The following INPP5E variants were observed in gnomAD, a reference collection of about 807,000 sequenced individuals.
INPP5E encodes phosphatidylinositol polyphosphate 5-phosphatase type IV.
In INPP5E, 34 loss-of-function variants were observed where a neutral mutation model predicts 50.5. That is an observed-to-expected ratio of 0.67 (90% CI 0.51 to 0.90). The LOEUF is 0.90. INPP5E is among the 40% of genes least tolerant of loss of function. INPP5E has a pLI of 0.00. For synonymous variants in INPP5E, 447 were observed against 406.0 expected, an observed-to-expected ratio of 1.10 and a Z score of -1.21; for missense variants, 942 against 905.5, an observed-to-expected ratio of 1.04 and a Z score of -0.52.
At position 136,439,109 on chromosome 9, in the gene INPP5E, T is replaced by A. The variant is rs748786705; in HGVS notation, c.311A>T (p.Glu104Val). The A allele has an allele frequency of 8.8e-6, 14 of 1,582,992 alleles. No homozygotes were observed. In the African/African-American group the frequency reaches 1.6e-4, roughly 18 times the overall value. The change falls in exon 1 of 10, where the codon GAA becomes GTA. Residue 104 changes from glutamate to valine, a missense_variant. By Grantham distance (121) the Glu-to-Val change is moderately radical. Coordinates refer to ENST00000371712, the MANE Select transcript of INPP5E (RefSeq NM_019892.6). Reference protein sequence around the residue: ...RRFRGSQEDLEARNGTSPSRG... With the variant: ...RRFRGSQEDLVARNGTSPSRG... Reference sequence around the variant, plus strand: ...GGAGGGACTGGTCCCATTCCGGGCTTCCAGGTCCTCCTGGCTGCCTCGAAA... The same window carrying A: ...GGAGGGACTGGTCCCATTCCGGGCTACCAGGTCCTCCTGGCTGCCTCGAAA...
rs141286608 is a variant in INPP5E at position 136,438,827 on chromosome 9, C to G, written c.593G>C (p.Ser198Thr). The G allele has an allele frequency of 2.9e-5, 46 of 1,611,202 alleles. No homozygotes were observed. Among genetic ancestry groups the G allele is most frequent in the Middle Eastern group, 3.3e-4 (2 of 6,082 alleles). The change falls in exon 1 of 10, where the codon AGC (serine) becomes ACC (threonine). Residue 198 changes from serine (S) to threonine (T), a missense_variant. By Grantham distance (58) the Ser-to-Thr change is moderately conservative. Transcript: ENST00000371712. The part of the protein sequence containing the change: ...LLPPRPPPAL[S>T]LDIASDSLRT... The stretch of plus-strand genomic sequence containing the variant: ...CAGGGAGTCGGAGGCGATGTCCAGG[C>G]TCAGGGCAGGCGGTGGGCGCGGGGG...
Position 136,439,503 on chromosome 9 carries a change from G to A in INPP5E, c.-84C>T. The A allele has an allele frequency of 9.9e-7, 1 of 1,012,532 alleles. No individual in the cohort carries two copies. The highest frequency in any genetic ancestry group is 1.3e-6 in the Non-Finnish European group (1 of 761,830). The allele number at this position is 1,012,532 out of a possible 1,614,324, so 62.7% of individuals were successfully genotyped here. A position where few individuals can be genotyped will look rare whatever the true frequency, so the allele number is the denominator to read the frequency against. On this transcript the variant is annotated 5_prime_UTR_variant, in exon 1 of 10. Coordinates refer to ENST00000371712, the MANE Select transcript of INPP5E (RefSeq NM_019892.6). ...GGGTGCCGGGTCCGGGGTCGCCGGC[G>A]CAGCGAGGAGCAGAAACGCCGCTGC... is the stretch of plus-strand genomic sequence containing the variant.
At chr9:136,431,207 G>GCCCCC in intron 7 of INPP5E, 90 bp from the exon 8 acceptor site, 8 of 683,438 alleles carry the variant, frequency 1.2e-5, no homozygotes, top group South Asian at 1.5e-5. Flanking sequence ...CTCCCACCAC[G>GCCCCC]CCCACCCTCC....
chr9:136,432,924 A>G, intron 5 of INPP5E, 32 bp downstream of exon 5: 1 of 1,608,628 alleles, frequency 6.2e-7, no homozygotes, highest in Non-Finnish European at 8.5e-7. Context: ...GTTCTCACAC[A>G]GCACCTGCGG....
Position 136,429,228 on chromosome 9 carries a change from T to G in INPP5E, c.*447A>C. 3.6e-6 allele frequency: 1 copy of G among 280,192 alleles called. No individual in the cohort carries two copies. The highest frequency in any genetic ancestry group is 7.1e-6 in the Non-Finnish European group (1 of 140,502). The allele number at this position is 280,192 out of a possible 1,614,324, so 17.4% of individuals were successfully genotyped here. On this transcript the variant is annotated 3_prime_UTR_variant, in exon 10 of 10. Transcript: ENST00000371712. Reference sequence around the variant, plus strand: ...CTCTGGATACCCGTGTGACATGGGGTGGTGTGTGTTTGAGGGGCTGCCAGG... The same window carrying G: ...CTCTGGATACCCGTGTGACATGGGGGGGTGTGTGTTTGAGGGGCTGCCAGG...
chr9:136,434,891 G>GCC, intron 1 of INPP5E, 28 bp from the exon 2 acceptor site: 1 of 1,592,742 alleles, frequency 6.3e-7, no homozygotes. Context: ...CAAGCTCAGG[G>GCC]CCAGGCACAG....
intron 6 of INPP5E, 108 bp downstream of exon 6, chr9:136,432,371 C>G: frequency 1.3e-6 from 1 of 778,284 alleles, no homozygotes; most frequent in Non-Finnish European, 2.2e-6. Flanking sequence ...TTTCGGCCCT[C>G]GCTTCCCAAA....
rs908536166 is a variant in INPP5E, at chr9:136,432,467, G to A, written c.1387+12C>T. 6.5e-7 allele frequency: 1 copy of A among 1,528,706 alleles called. No individual in the cohort carries two copies. The highest frequency in any genetic ancestry group is 1.7e-4 in the Middle Eastern group (1 of 5,772). The allele number at this position is 1,528,706 out of a possible 1,614,324, so 94.7% of individuals were successfully genotyped here. Reference sequence around the variant, plus strand: ...CGGCGGCACCACCCACACGCAGCGTGGACGCCCTCACCTGCGCTGGAGCGA... The same window carrying A: ...CGGCGGCACCACCCACACGCAGCGTAGACGCCCTCACCTGCGCTGGAGCGA... On this transcript the variant is annotated intron_variant, in intron 6 of 9. Transcript: ENST00000371712.
intron 1 of INPP5E, 76 bp from the exon 2 acceptor site, chr9:136,434,939 C>G: frequency 6.5e-7 from 1 of 1,531,268 alleles, no homozygotes; most frequent in Admixed American, 1.9e-5. Context: ...TCCCCAGGGA[C>G]AATAGCAAAA....
Position 136,438,692 on chromosome 9 carries a change from A to T in INPP5E, c.728T>A (p.Leu243Gln). 5 of 1,600,350 alleles carry T rather than the reference A, an allele frequency of 3.1e-6. No individual in the cohort carries two copies. The highest frequency in any genetic ancestry group is 4.3e-6 in the Non-Finnish European group (5 of 1,173,888). Reference protein sequence around the residue: ...SLGPGRPRSPLACDDCSLRSA... With the variant: ...SLGPGRPRSPQACDDCSLRSA... Reference sequence around the variant, plus strand: ...GCGAAGGGAACAGTCGTCGCAGGCCAGGGGGCTCCGCGGCCGGCCGGGGCC... The same window carrying T: ...GCGAAGGGAACAGTCGTCGCAGGCCTGGGGGCTCCGCGGCCGGCCGGGGCC... Residue 243 changes from leucine to glutamine, a missense_variant, in exon 1 of 10, where the codon CTG (leucine) becomes CAG (glutamine). By Grantham distance (113) the Leu-to-Gln change is moderately radical (BLOSUM62 -2). Transcript: ENST00000371712.
At chr9:136,435,299 G>A (rs1173767259) in intron 1 of INPP5E, among the ~76,000 whole-genome samples, 4 of 152,160 alleles carry the variant, frequency 2.6e-5, no homozygotes, top group Admixed American at 6.5e-5. Context: ...ACACGGAAAC[G>A]CGTCCATCTC....
At position 136,429,540 on chromosome 9, in the gene INPP5E, G is replaced by T; in HGVS notation, c.*135C>A. ...CTCGCTCAGGGTTGGCTTCCTTCCT[G>T]GGACGCTGGCACAGAGGCACGGTCG... On this transcript the variant is annotated 3_prime_UTR_variant, in exon 10 of 10. Coordinates refer to ENST00000371712, the MANE Select transcript of INPP5E (RefSeq NM_019892.6). 8.3e-7 allele frequency: 1 copy of T among 1,205,720 alleles called. No homozygotes were observed. The highest frequency in any genetic ancestry group is 1.2e-6 in the Non-Finnish European group (1 of 822,896). 74.7% of individuals were successfully genotyped at this position (1,205,720 alleles called of 1,614,324 possible).
Position 136,431,945 on chromosome 9 carries a change from TCCAAA to T in INPP5E, c.1423_1427del (p.Phe475ArgfsTer61). ...CGCCACTCAGGCGGAAGTTGAAGTCTCCAAACCAGAACACCTCATCGAAGCGGGTG... is the reference window on the plus strand; with the variant it reads ...CGCCACTCAGGCGGAAGTTGAAGTCTCCAGAACACCTCATCGAAGCGGGTG... On this transcript the variant is annotated frameshift_variant, in exon 7 of 10. Coordinates refer to ENST00000371712, the MANE Select transcript of INPP5E (RefSeq NM_019892.6). LOFTEE classifies it high-confidence loss of function. 6.2e-7 allele frequency: 1 copy of T among 1,612,104 alleles called. No homozygotes were observed. Among genetic ancestry groups the T allele is most frequent in the Non-Finnish European group, 8.5e-7 (1 of 1,179,808 alleles).
chr9:136,429,594 G>A lies in INPP5E; in HGVS notation c.*81C>T, dbSNP rs866190320. 4.4e-6 allele frequency: 7 copies of A among 1,573,734 alleles called. No homozygotes were observed. In the African/African-American group the frequency reaches 5.4e-5, roughly 12 times the overall value. Reference sequence around the variant, plus strand: ...CAGTCCCTCGGATCCCCGAAAGGCGGCAAACTCTTTGTCCTTCCCAGTGGG... The same window carrying A: ...CAGTCCCTCGGATCCCCGAAAGGCGACAAACTCTTTGTCCTTCCCAGTGGG... On this transcript the variant is annotated 3_prime_UTR_variant, in exon 10 of 10. Transcript: ENST00000371712.
chr9:136,429,708 ACT>A lies in INPP5E; in HGVS notation c.1900_1901del (p.Gln635GlufsTer62). On this transcript the variant is annotated frameshift_variant, in exon 10 of 10. Coordinates refer to ENST00000371712, the MANE Select transcript of INPP5E (RefSeq NM_019892.6). LOFTEE classifies it high-confidence loss of function. ...CGGAGCAGATGGTGCTGGAGTTCTG[ACT>A]CTGTAGTGCTTGCTGCCTCTGAATC... is the stretch of plus-strand genomic sequence containing the variant. ...KEIQRQQALQ[S>X]QNSSTICSVS 6.2e-7 allele frequency: 1 copy of A among 1,613,944 alleles called. No individual in the cohort carries two copies. The highest frequency in any genetic ancestry group is 8.5e-7 in the Non-Finnish European group (1 of 1,179,992).
At position 136,429,636 on chromosome 9, in the gene INPP5E, C is replaced by CA. The variant is rs766931797; in HGVS notation, c.*38dup. 3.1e-6 allele frequency: 5 copies of CA among 1,611,904 alleles called. No individual in the cohort carries two copies. Among genetic ancestry groups the CA allele is most frequent in the Non-Finnish European group, 4.2e-6 (5 of 1,179,380 alleles). ...CCCAGTGGGTTTTGATCAATACAAT[C>CA]ACCCCACGTTGCAGCTGTGAGTCCT... On this transcript the variant is annotated 3_prime_UTR_variant, in exon 10 of 10. Transcript: ENST00000371712.
rs1007309317 is a variant in INPP5E, at chr9:136,434,894, A to C, written c.813-31T>G. The C allele has an allele frequency of 1.9e-6, 3 of 1,591,776 alleles. No individual in the cohort carries two copies. In the East Asian group the frequency reaches 6.8e-5, roughly 36 times the overall value. On this transcript the variant is annotated intron_variant, in intron 1 of 9. Coordinates refer to ENST00000371712, the MANE Select transcript of INPP5E (RefSeq NM_019892.6). The stretch of plus-strand genomic sequence containing the variant: ...ACGGGAGGACCCCAAGCTCAGGGCC[A>C]GGCACAGGACACATCCCTGGGGGTC...
chr9:136,439,688 G>A lies in INPP5E; in HGVS notation c.-269C>T, dbSNP rs765685082. On this transcript the variant is annotated 5_prime_UTR_variant, in exon 1 of 10. Coordinates refer to ENST00000371712, the MANE Select transcript of INPP5E (RefSeq NM_019892.6). ...ACAGGCGGCTGGGCGCCTGTCGCGG[G>A]GGAGGTTCGACCCCGACGGGGACGC... 1 of 324,276 alleles carries A rather than the reference G, an allele frequency of 3.1e-6. No homozygotes were observed. Among genetic ancestry groups the A allele is most frequent in the Non-Finnish European group, 5.6e-6 (1 of 178,760 alleles). The allele number at this position is 324,276 out of a possible 1,614,324, so 20.1% of individuals were successfully genotyped here. A position where few individuals can be genotyped will look rare whatever the true frequency, so the allele number is the denominator to read the frequency against.
In INPP5E at chr9:136,439,168, C is replaced by T; in HGVS notation, c.252G>A (p.Leu84=). 6.4e-7 allele frequency: 1 copy of T among 1,565,526 alleles called. No individual in the cohort carries two copies. Residue 84 remains leucine (L), a synonymous_variant, in exon 1 of 10, where the codon CTG becomes CTA. Coordinates refer to ENST00000371712, the MANE Select transcript of INPP5E (RefSeq NM_019892.6). ...PPARPRLERA[L]SLDDKGWRRR... is the part of the protein sequence containing the mutation. ...TCCTCCAGCCCTTGTCGTCCAGGGA[C>T]AGGGCTCGCTCCAGTCGAGGCCTGG... is the stretch of plus-strand genomic sequence containing the variant.
Sources: allele counts gnomAD v4.1 joint callset (sites outside exome capture counted in the v4.1 genomes callset), GRCh38; gene constraint gnomAD v4.1.1; transcripts MANE v1.5; gene names NCBI Gene and HGNC (gene_info 2026-07-23, HGNC 2026-07-21).